The following SUPT3H variants were observed in gnomAD, a reference collection of about 807,000 sequenced individuals.
The protein encoded by SUPT3H is transcription initiation protein SPT3 homolog.
SUPT3H carries 44 observed loss-of-function variants against 44.3 expected under a neutral mutation model. The ratio of observed to expected loss-of-function variants is 0.99; its 90% CI spans 0.78 to 1.28. The LOEUF is 1.28. Among genes scored for constraint, SUPT3H ranks in the 50% most tolerant of loss-of-function variants. The pLI, the probability that SUPT3H is intolerant of heterozygous loss-of-function variation, is 0.00. For missense variants in SUPT3H, 380 were observed against 387.1 expected, an observed-to-expected ratio of 0.98 and a Z score of 0.15; for synonymous variants, 124 against 125.6, an observed-to-expected ratio of 0.99 and a Z score of 0.09.
intron 10 of SUPT3H, among the ~76,000 whole-genome samples, chr6:44,930,398 A>G (rs754218155): frequency 2.6e-5 from 4 of 151,278 alleles, no homozygotes; most frequent in Non-Finnish European, 5.9e-5. Flanking sequence ...AAAAGAAAAA[A>G]AAATTATTAC....
chr6:45,101,514 G>A (rs1168810203), intron 3 of SUPT3H, among the ~76,000 whole-genome samples: 1 of 152,118 alleles, frequency 6.6e-6, no homozygotes, highest in Non-Finnish European at 1.5e-5. Context: ...TGGAGAGAAA[G>A]GTATAGCCAA....
chr6:44,928,909 A>AAAAAAAAAAAAAG (rs1491361687), intron 10 of SUPT3H, among the ~76,000 whole-genome samples: 2 of 139,072 alleles, frequency 1.4e-5, no homozygotes, highest in African/African-American at 5.4e-5. Flanking sequence ...AAAAAAGAAA[A>AAAAAAAAAAAAAG]GAAAAGAAAC....
intron 1 of SUPT3H, among the ~76,000 whole-genome samples, chr6:45,376,173 C>G (rs1796746904): frequency 6.6e-6 from 1 of 152,060 alleles, no homozygotes; most frequent in Non-Finnish European, 1.5e-5. Flanking sequence ...TAGGAGACAA[C>G]GTTTTGCTTT....
At chr6:45,057,678 T>C (rs917890552) in intron 3 of SUPT3H, among the ~76,000 whole-genome samples, 1 of 152,098 alleles carries the variant, frequency 6.6e-6, no homozygotes, top group African/African-American at 2.4e-5. Flanking sequence ...CAAAGAATGC[T>C]TGGACAAATG....
intron 9 of SUPT3H, among the ~76,000 whole-genome samples, chr6:44,945,655 G>A (rs978599500): frequency 3.3e-5 from 5 of 152,154 alleles, no homozygotes; most frequent in Admixed American, 1.3e-4. Flanking sequence ...TTAATTCTGT[G>A]AAGGCCAAGA....
chr6:45,366,035 G>T (rs1795078488), intron 1 of SUPT3H, among the ~76,000 whole-genome samples: 1 of 151,966 alleles, frequency 6.6e-6, no homozygotes, highest in South Asian at 2.1e-4. Context: ...GCAAGATTTA[G>T]TCAAAGTAAC....
intron 10 of SUPT3H, among the ~76,000 whole-genome samples, chr6:44,897,357 A>G (rs1764265041): frequency 6.6e-6 from 1 of 152,228 alleles, no homozygotes; most frequent in Non-Finnish European, 1.5e-5. Context: ...TGTTAGAAAA[A>G]TATTCACTTA....
At chr6:44,931,514 TTTAA>T (rs1220045260) in intron 10 of SUPT3H, among the ~76,000 whole-genome samples, 2 of 152,142 alleles carry the variant, frequency 1.3e-5, no homozygotes, top group Non-Finnish European at 2.9e-5. Flanking sequence ...AGAAACTTGA[TTTAA>T]TTATTTCTTT....
At chr6:45,296,004 T>C (rs951968666) in intron 2 of SUPT3H, among the ~76,000 whole-genome samples, 2 of 151,752 alleles carry the variant, frequency 1.3e-5, no homozygotes, top group African/African-American at 4.8e-5. Context: ...AAAAAAGTCA[T>C]AGGAAAAGAT....
intron 2 of SUPT3H, among the ~76,000 whole-genome samples, chr6:45,253,485 A>C (rs1772741361): frequency 6.6e-6 from 1 of 152,040 alleles, no homozygotes; most frequent in South Asian, 2.1e-4. Context: ...TTCCATCTCT[A>C]GCTCAGAATC....
chr6:45,275,922 T>C (rs909969867), intron 2 of SUPT3H, among the ~76,000 whole-genome samples: 1 of 152,088 alleles, frequency 6.6e-6, no homozygotes, highest in Admixed American at 6.5e-5. Flanking sequence ...CTCCTATTAT[T>C]GTCTACTAAC....
At chr6:45,343,593 C>T (rs559295526) in intron 2 of SUPT3H, among the ~76,000 whole-genome samples, 5 of 152,278 alleles carry the variant, frequency 3.3e-5, no homozygotes, top group African/African-American at 1.2e-4. Flanking sequence ...TAAAAAATGC[C>T]TTCAATAATT....
At chr6:44,841,537 C>G (rs1204670249) in intron 10 of SUPT3H, among the ~76,000 whole-genome samples, 2 of 152,044 alleles carry the variant, frequency 1.3e-5, no homozygotes, top group Non-Finnish European at 2.9e-5. Context: ...TGATTGAAAG[C>G]CTTCAATAAT....
At chr6:44,891,116 C>T (rs531376349) in intron 10 of SUPT3H, among the ~76,000 whole-genome samples, 5 of 152,036 alleles carry the variant, frequency 3.3e-5, no homozygotes, top group Non-Finnish European at 7.4e-5. Context: ...TATCCCAGAA[C>T]TTAAAGTATA....
chr6:45,087,018 C>A (rs1159632126), intron 3 of SUPT3H, among the ~76,000 whole-genome samples: 3 of 151,782 alleles, frequency 2.0e-5, no homozygotes, highest in Non-Finnish European at 4.4e-5. Flanking sequence ...TTCTTTCAAA[C>A]AAAAATTTCT....
At chr6:45,232,608 A>G (rs1033697447) in intron 2 of SUPT3H, among the ~76,000 whole-genome samples, 1 of 152,176 alleles carries the variant, frequency 6.6e-6, no homozygotes, top group African/African-American at 2.4e-5. Context: ...GAGTCACTGG[A>G]TAACCTGTGT....
At chr6:44,853,037 C>A (rs1449844674) in intron 10 of SUPT3H, among the ~76,000 whole-genome samples, 1 of 152,124 alleles carries the variant, frequency 6.6e-6, no homozygotes, top group Admixed American at 6.6e-5. Context: ...CTAACGACTG[C>A]CTTGCTCTCT....
At chr6:44,948,227 AC>A (rs1319052385) in intron 9 of SUPT3H, among the ~76,000 whole-genome samples, 6 of 152,318 alleles carry the variant, frequency 3.9e-5, no homozygotes, top group African/African-American at 1.4e-4. Flanking sequence ...TACACCTTAT[AC>A]AAAAATTAAT....
intron 10 of SUPT3H, among the ~76,000 whole-genome samples, chr6:44,870,675 C>G (rs1776252440): frequency 6.6e-6 from 1 of 151,252 alleles, no homozygotes; most frequent in African/African-American, 2.4e-5. Context: ...CAGCTCCAGT[C>G]TACAGCTCCC....
Sources: gnomAD v4.1 joint callset for allele counts (sites outside exome capture counted in the v4.1 genomes callset) on GRCh38, gnomAD v4.1.1 for gene constraint, MANE v1.5 for transcripts, NCBI Gene and HGNC (gene_info 2026-07-23, HGNC 2026-07-21) for gene names.